The following ADGRV1 variants were observed in gnomAD, a reference collection of about 807,000 sequenced individuals.
ADGRV1 encodes G-protein coupled receptor 98.
ADGRV1 carries 359 observed loss-of-function variants against 596.2 expected under a neutral mutation model. That is an observed-to-expected ratio of 0.60 (90% CI 0.55 to 0.66). The LOEUF is 0.66. ADGRV1 is among the 30% of genes least tolerant of loss of function. The probability of loss-of-function intolerance (pLI) is 0.00; values close to 1 mark genes in which losing one functional copy is unlikely to be tolerated. For missense variants in ADGRV1, 7,274 were observed against 7,575.6 expected (o/e 0.96, Z 1.48); for synonymous variants, 2,681 against 2,679.2 (o/e 1.00, Z -0.02).
Position 90,753,727 on chromosome 5 carries a change from G to A in ADGRV1, c.11275G>A (p.Asp3759Asn), listed in dbSNP as rs764209669. The A allele has an allele frequency of 6.2e-7, 1 of 1,613,594 alleles. No individual in the cohort carries two copies. The highest frequency in any genetic ancestry group is 1.7e-5 in the Admixed American group (1 of 59,932). Residue 3759 changes from aspartate (D) to asparagine (N), a missense_variant, in exon 54 of 90, where the codon GAC (aspartate) becomes AAC (asparagine). Asp to Asn is a conservative substitution (Grantham distance 23). Around this residue, in one of 5 missense-constraint regions of ADGRV1, gnomAD observed 3,643 missense variants for 3,809.2 expected, o/e 0.96. Transcript: ENST00000405460. Reference sequence around the variant, plus strand: ...ATACAAAGGTGCTACTATTGATCAGGACAGAAGCAAGTCTGTTATAACAAC... The same window carrying A: ...ATACAAAGGTGCTACTATTGATCAGAACAGAAGCAAGTCTGTTATAACAAC... Reference protein sequence around the residue: ...DSYKGATIDQDRSKSVITTLP... With the variant: ...DSYKGATIDQNRSKSVITTLP...
At chr5:90,982,810 G>GAGCA (rs1248027747) in intron 84 of ADGRV1, among the ~76,000 whole-genome samples, 4 of 152,160 alleles carry the variant, frequency 2.6e-5, no homozygotes, top group African/African-American at 9.7e-5. Context: ...GGAGTACACA[G>GAGCA]AGCACACTGA....
At chr5:91,096,787 G>C (rs1394023205) in intron 86 of ADGRV1, among the ~76,000 whole-genome samples, 2 of 152,100 alleles carry the variant, frequency 1.3e-5, no homozygotes, top group Admixed American at 6.5e-5. Context: ...CACTGACAAT[G>C]TTGTGCAACT....
intron 83 of ADGRV1, among the ~76,000 whole-genome samples, chr5:90,952,068 T>C (rs992675686): frequency 6.6e-6 from 1 of 152,204 alleles, no homozygotes; most frequent in Non-Finnish European, 1.5e-5. Flanking sequence ...ATAAAAGTTG[T>C]ATGTGGCTGT....
intron 1 of ADGRV1, among the ~76,000 whole-genome samples, chr5:90,572,482 A>G (rs1366861340): frequency 1.3e-5 from 2 of 152,228 alleles, no homozygotes; most frequent in Non-Finnish European, 2.9e-5. Flanking sequence ...AAGCAGAAAC[A>G]AAGACCAATG....
chr5:90,733,995 C>T (rs1050552029), intron 50 of ADGRV1, among the ~76,000 whole-genome samples: 4 of 152,164 alleles, frequency 2.6e-5, no homozygotes, highest in South Asian at 2.1e-4. Context: ...TAAAAGATTC[C>T]GCAACTAGTG....
At chr5:91,018,571 T>C (rs766949152) in intron 85 of ADGRV1, among the ~76,000 whole-genome samples, 4 of 151,978 alleles carry the variant, frequency 2.6e-5, no homozygotes, top group Non-Finnish European at 4.4e-5. Context: ...AGGTCTTGCA[T>C]ACCATGTTTG....
chr5:90,790,814 G>A (rs949266380), intron 69 of ADGRV1, 59 bp from the exon 70 acceptor site: 2 of 1,096,392 alleles, frequency 1.8e-6, no homozygotes, highest in Middle Eastern at 3.1e-4. Flanking sequence ...TAATTTAAGG[G>A]AATTTGGTGC....
At chr5:91,150,009 C>CTTTTTTTTTTTTTTTTT (rs35858094) in intron 87 of ADGRV1, 21 bp from the exon 88 acceptor site, 7 of 1,288,814 alleles carry the variant, frequency 5.4e-6, no homozygotes, top group South Asian at 1.6e-5. Context: ...CTTTTCTTTT[C>CTTTTTTTTTTTTTTTTT]TTTTTTTTTT....
At position 90,725,611 on chromosome 5, in the gene ADGRV1, T is replaced by C. The variant is rs1316743327; in HGVS notation, c.10116T>C (p.Asp3372=). ...GATATTTTACTTCAGACAGCCAAGA[T>C]TATTTAATCATTGCAAGTCAAAGAG... ...QVRYFTSDSQ[D]YLIIASQRDD... Residue 3372 remains aspartate (D), a synonymous_variant, in exon 48 of 90, where the codon GAT becomes GAC. Transcript: ENST00000405460. The C allele has an allele frequency of 6.3e-7, 1 of 1,590,568 alleles. No homozygotes were observed. Among genetic ancestry groups the C allele is most frequent in the South Asian group, 1.1e-5 (1 of 90,120 alleles).
chr5:90,892,013 T>C (rs748728758), intron 83 of ADGRV1, among the ~76,000 whole-genome samples: 3 of 152,020 alleles, frequency 2.0e-5, no homozygotes, highest in Non-Finnish European at 4.4e-5. Context: ...TCCTTTAGAA[T>C]GTAAAGACTA....
chr5:90,864,135 A>T (rs1283760711), intron 83 of ADGRV1, among the ~76,000 whole-genome samples: 1 of 152,080 alleles, frequency 6.6e-6, no homozygotes, highest in Non-Finnish European at 1.5e-5. Flanking sequence ...TGCTGAATGT[A>T]TTTGTAATTT....
chr5:90,782,928 C>A (rs1007987441), intron 65 of ADGRV1, among the ~76,000 whole-genome samples, 196 bp from the exon 66 acceptor site: 18 of 152,176 alleles, frequency 1.2e-4, no homozygotes, highest in African/African-American at 4.3e-4. Flanking sequence ...TAACTTTCAA[C>A]ATCTGATAAA....
chr5:91,024,804 T>C lies in ADGRV1; in HGVS notation c.18152+39282T>C, dbSNP rs1426857423. 2.0e-5 allele frequency among the ~76,000 whole-genome samples: 3 copies of C among 152,172 alleles called. No individual in the cohort carries two copies. The East Asian group carries it at 5.8e-4, about 29-fold the overall frequency. On this transcript the variant is annotated intron_variant, in intron 85 of 89. Transcript: ENST00000405460. ...ATGCCCTTTAAATTTCTTGCCAGGC[T>C]AAGTGACACATGAGACAATTTATAT...
chr5:90,852,632 C>T (rs1430224432), intron 79 of ADGRV1, among the ~76,000 whole-genome samples: 1 of 152,138 alleles, frequency 6.6e-6, no homozygotes, highest in Non-Finnish European at 1.5e-5. Context: ...GAAATCTGTA[C>T]TTTAAAGCAA....
chr5:90,893,147 G>A (rs1770981384), intron 83 of ADGRV1, among the ~76,000 whole-genome samples: 1 of 152,156 alleles, frequency 6.6e-6, no homozygotes, highest in Non-Finnish European at 1.5e-5. Flanking sequence ...GAAGTTAAAT[G>A]CTTGACTGAG....
At chr5:90,625,859 C>T (rs1450487429) in intron 6 of ADGRV1, 1 of 152,222 alleles carries the variant, frequency 6.6e-6, no homozygotes, top group East Asian at 1.9e-4. Flanking sequence ...CTCGGCCTCC[C>T]AAAGTGCTGG....
chr5:91,100,919 A>G (rs1791322745), intron 86 of ADGRV1, among the ~76,000 whole-genome samples: 1 of 152,228 alleles, frequency 6.6e-6, no homozygotes, highest in East Asian at 1.9e-4. Flanking sequence ...ACTGGCTGGT[A>G]ATCATCAAAA....
intron 85 of ADGRV1, among the ~76,000 whole-genome samples, chr5:91,038,017 T>G (rs1401778406): frequency 6.6e-6 from 1 of 152,238 alleles, no homozygotes; most frequent in Admixed American, 6.5e-5. Context: ...TGTTTAGACT[T>G]AGGTTCCATC....
At chr5:90,709,592 A>G (rs1749069975) in intron 39 of ADGRV1, among the ~76,000 whole-genome samples, 4 of 152,220 alleles carry the variant, frequency 2.6e-5, no homozygotes, top group Non-Finnish European at 4.4e-5. Context: ...GATTAAAGGA[A>G]GAGAAGCATG....
Sources: gnomAD v4.1 joint callset for allele counts (sites outside exome capture counted in the v4.1 genomes callset) on GRCh38, gnomAD v4.1.1 for gene constraint, gnomAD v4.1.1 regional missense constraint, MANE v1.5 for transcripts, NCBI Gene and HGNC (gene_info 2026-07-23, HGNC 2026-07-21) for gene names.